The following CSDC2 variants were observed in gnomAD, a reference collection of about 807,000 sequenced individuals.
CSDC2 encodes the protein cold shock domain containing C2.
A neutral mutation model predicts 15.8 loss-of-function variants in CSDC2; 8 were observed. That is an observed-to-expected ratio of 0.51 (90% confidence interval 0.30 to 0.92). The LOEUF (loss-of-function observed/expected upper bound fraction) is 0.92, where lower values mean the gene tolerates loss of function less well. Ranked by LOEUF, CSDC2 falls within the 40% of genes least tolerant of loss-of-function variation. The pLI is 0.07. For missense variants in CSDC2, 195 were observed against 213.3 expected, an observed-to-expected ratio of 0.91 and a Z score of 0.53; for synonymous variants, 96 against 92.3, an observed-to-expected ratio of 1.04 and a Z score of -0.23.
At position 41,574,905 on chromosome 22, in the gene CSDC2, T is replaced by G. The variant is rs66876608; in HGVS notation, c.*10T>G. 6.3e-7 allele frequency: 1 copy of G among 1,577,742 alleles called. No individual in the cohort carries two copies. The highest frequency in any genetic ancestry group is 1.4e-5 in the African/African-American group (1 of 73,850). ...GGTCGTGGGCTCCTAGGCTGAGTGGTTCACAGGCCAGCTGGCCGGGGGTTG... is the reference window on the plus strand; with the variant it reads ...GGTCGTGGGCTCCTAGGCTGAGTGGGTCACAGGCCAGCTGGCCGGGGGTTG... On this transcript the variant is annotated 3_prime_UTR_variant, in exon 4 of 4. Transcript: ENST00000306149.
At chr22:41,565,275 C>A (rs1487019981) in intron 1 of CSDC2, among the ~76,000 whole-genome samples, 1 of 151,580 alleles carries the variant, frequency 6.6e-6, no homozygotes, top group Non-Finnish European at 1.5e-5. Context: ...CATGGTGAAA[C>A]CCCATCTCTA....
At chr22:41,566,345 G>A (rs1156560284) in intron 1 of CSDC2, among the ~76,000 whole-genome samples, 1 of 149,960 alleles carries the variant, frequency 6.7e-6, no homozygotes, top group Admixed American at 6.7e-5. Flanking sequence ...TCAGGAGGCT[G>A]AGGCAGAAGA....
chr22:41,572,368 C>G, intron 2 of CSDC2, among the ~76,000 whole-genome samples: 1 of 71,240 alleles, frequency 1.4e-5, no homozygotes, highest in African/African-American at 5.8e-5. Context: ...ACCCACCCAC[C>G]CACCCACCCA....
intron 1 of CSDC2, among the ~76,000 whole-genome samples, chr22:41,567,808 A>G (rs2067123935): frequency 6.6e-6 from 1 of 152,238 alleles, no homozygotes. Context: ...TTTCTTGTCT[A>G]CAAAGTGGGG....
In CSDC2 at chr22:41,569,940, C is replaced by G. The variant is rs553966188; in HGVS notation, c.-123-1903C>G. On this transcript the variant is annotated intron_variant, in intron 1 of 3. Coordinates refer to ENST00000306149, the MANE Select transcript of CSDC2 (RefSeq NM_014460.4). ...GACTACAGGTGGATGCCATCACACC[C>G]GATTAATTTTTGTATTTTTAGGAGA... Among the ~76,000 whole-genome samples the G allele has an allele frequency of 2.3e-3, 346 of 151,904 alleles. 2 individuals carry two copies. Among genetic ancestry groups the G allele is most frequent in the Non-Finnish European group, 4.4e-3 (296 of 67,934 alleles).
rs1225441895 is a variant in CSDC2 at position 41,568,732 on chromosome 22, C to A, written c.-123-3111C>A. ...TCTTGCCCTGAGGCCAACTCGCTGC[C>A]TCCTCTTGGTCCTGTCTTTGCTGTG... On this transcript the variant is annotated intron_variant, in intron 1 of 3. Transcript: ENST00000306149. 2.6e-5 allele frequency among the ~76,000 whole-genome samples: 4 copies of A among 152,370 alleles called. No individual in the cohort carries two copies. In the South Asian group the frequency reaches 8.3e-4, roughly 32 times the overall value.
At chr22:41,572,489 CG>C (rs1417262307) in intron 2 of CSDC2, among the ~76,000 whole-genome samples, 1 of 151,288 alleles carries the variant, frequency 6.6e-6, no homozygotes, top group African/African-American at 2.4e-5. Flanking sequence ...TCCATCCATC[CG>C]TCTGTCCGTC....
At chr22:41,563,039 C>T (rs946195425) in intron 1 of CSDC2, among the ~76,000 whole-genome samples, 1 of 152,154 alleles carries the variant, frequency 6.6e-6, no homozygotes, top group Non-Finnish European at 1.5e-5. Context: ...TTCCCCACCA[C>T]CACCCAAGCC....
At position 41,574,888 on chromosome 22, in the gene CSDC2, G is replaced by C; in HGVS notation, c.455G>C (p.Gly152Ala). 1 of 1,590,542 alleles carries C rather than the reference G, an allele frequency of 6.3e-7. No homozygotes were observed. Among genetic ancestry groups the C allele is most frequent in the Non-Finnish European group, 8.6e-7 (1 of 1,168,920 alleles). ...PHETWSGQVV[G>A]S Reference sequence around the variant, plus strand: ...GAGACGTGGTCTGGCCAGGTCGTGGGCTCCTAGGCTGAGTGGTTCACAGGC... The same window carrying C: ...GAGACGTGGTCTGGCCAGGTCGTGGCCTCCTAGGCTGAGTGGTTCACAGGC... The change falls in exon 4 of 4, where the codon GGC becomes GCC. Residue 152 changes from glycine (G) to alanine (A), a missense_variant. Gly to Ala is a moderately conservative substitution (Grantham distance 60, BLOSUM62 0). Coordinates refer to ENST00000306149, the MANE Select transcript of CSDC2 (RefSeq NM_014460.4).
rs879174206 is a variant in CSDC2 at position 41,563,797 on chromosome 22, C to T, written c.-124+2614C>T. ...TAGAAGATGGGTGTACTAAGCCAGG[C>T]GCAGTGGCTCATGCCTGTAATCCCA... On this transcript the variant is annotated intron_variant, in intron 1 of 3. Transcript: ENST00000306149. 4.0e-5 allele frequency among the ~76,000 whole-genome samples: 6 copies of T among 151,862 alleles called. No homozygotes were observed. The East Asian group carries it at 7.7e-4, about 20-fold the overall frequency.
intron 1 of CSDC2, among the ~76,000 whole-genome samples, chr22:41,570,982 CAAAA>C (rs527329866): frequency 2.4e-5 from 2 of 82,390 alleles, no homozygotes; most frequent in South Asian, 3.6e-4. Context: ...GACCATGTCT[CAAAA>C]AAAAAAAAAA....
chr22:41,574,257 CATTTT>C (rs560063788), intron 3 of CSDC2, among the ~76,000 whole-genome samples: 24 of 148,892 alleles, frequency 1.6e-4, no homozygotes, highest in Non-Finnish European at 2.4e-4. Context: ...TTATGAGTCC[CATTTT>C]ATTTTATTTT....
intron 1 of CSDC2, 118 bp from the exon 2 acceptor site, chr22:41,571,725 G>T: frequency 2.7e-4 from 93 of 346,906 alleles, no homozygotes; most frequent in Middle Eastern, 7.5e-4. Context: ...GGGGTCGTTT[G>T]TGACTTGAAG....
chr22:41,569,725 A>G (rs2067135437), intron 1 of CSDC2, among the ~76,000 whole-genome samples: 1 of 148,566 alleles, frequency 6.7e-6, no homozygotes, highest in Non-Finnish European at 1.5e-5. Context: ...GTTGTGAATG[A>G]GCACTGGTGT....
intron 1 of CSDC2, among the ~76,000 whole-genome samples, chr22:41,570,338 C>T (rs1434253023): frequency 6.6e-6 from 1 of 152,154 alleles, no homozygotes; most frequent in South Asian, 2.1e-4. Context: ...AGAGCCAGCT[C>T]AGCATCTTGG....
intron 3 of CSDC2, among the ~76,000 whole-genome samples, chr22:41,574,504 A>T (rs1027626527): frequency 2.6e-5 from 4 of 152,170 alleles, no homozygotes; most frequent in African/African-American, 9.7e-5. Context: ...GACTCAGGTG[A>T]TCCGCCCGCC....
chr22:41,572,498 G>A (rs924168805), intron 2 of CSDC2, among the ~76,000 whole-genome samples: 3 of 146,342 alleles, frequency 2.0e-5, no homozygotes, highest in South Asian at 4.4e-4. Flanking sequence ...CCGTCTGTCC[G>A]TCCATCCATC....
At chr22:41,574,608 C>A in intron 3 of CSDC2, 125 bp from the exon 4 acceptor site, 2 of 1,128,840 alleles carry the variant, frequency 1.8e-6, no homozygotes, top group Non-Finnish European at 2.5e-6. Flanking sequence ...TTCTGAGAAG[C>A]AAGGCCTGGC....
At chr22:41,561,691 G>T (rs1298534865) in intron 1 of CSDC2, among the ~76,000 whole-genome samples, 1 of 152,204 alleles carries the variant, frequency 6.6e-6, no homozygotes, top group East Asian at 1.9e-4. Flanking sequence ...TCCCCAGTGT[G>T]ATGGGGATAA....
Sources: allele counts gnomAD v4.1 joint callset (sites outside exome capture counted in the v4.1 genomes callset), GRCh38; gene constraint gnomAD v4.1.1; transcripts MANE v1.5; gene names NCBI Gene and HGNC (gene_info 2026-07-23, HGNC 2026-07-21).